Variants in NKAIN2 observed in about 807,000 individuals in gnomAD.
NKAIN2 encodes the protein sodium/potassium-transporting ATPase subunit beta-1-interacting protein 2.
A neutral mutation model predicts 32.6 loss-of-function variants in NKAIN2; 14 were observed. That is an observed-to-expected ratio of 0.43 (90% confidence interval 0.28 to 0.67). The LOEUF (loss-of-function observed/expected upper bound fraction) is 0.67, where lower values mean the gene tolerates loss of function less well. Ranked by LOEUF, NKAIN2 falls within the 30% of genes least tolerant of loss-of-function variation. NKAIN2 has a pLI of 0.17. For missense variants in NKAIN2, 198 were observed against 258.3 expected (o/e 0.77, Z 1.60); for synonymous variants, 80 against 87.2 (o/e 0.92, Z 0.46).
intron 5 of NKAIN2, among the ~76,000 whole-genome samples, chr6:124,808,185 A>T (rs1780687716): frequency 6.6e-6 from 1 of 151,972 alleles, no homozygotes; most frequent in Non-Finnish European, 1.5e-5. Flanking sequence ...CAACCAAAAA[A>T]GAGAATTTTA....
chr6:124,273,876 G>A (rs1794912765), intron 1 of NKAIN2, among the ~76,000 whole-genome samples: 1 of 152,154 alleles, frequency 6.6e-6, no homozygotes, highest in South Asian at 2.1e-4. Context: ...ACTGTTACCT[G>A]TCATGTACTT....
At position 124,204,590 on chromosome 6, in the gene NKAIN2, G is replaced by A. The variant is rs182345153; in HGVS notation, c.55-78415G>A. ...ACGGTTAAGTGGTCATGTTAGCAATGTGACAACTATACCAATAATAGCAAG... is the reference window on the plus strand; with the variant it reads ...ACGGTTAAGTGGTCATGTTAGCAATATGACAACTATACCAATAATAGCAAG... On this transcript the variant is annotated intron_variant, in intron 1 of 6. Transcript: ENST00000368417. Among the ~76,000 whole-genome samples, 207 of 151,878 alleles carry A rather than the reference G, an allele frequency of 1.4e-3. 1 individual carries two copies. The highest frequency in any genetic ancestry group is 4.9e-3 in the African/African-American group (202 of 41,500).
intron 3 of NKAIN2, among the ~76,000 whole-genome samples, chr6:124,449,881 A>G (rs927504111): frequency 2.0e-5 from 3 of 152,140 alleles, no homozygotes; most frequent in South Asian, 4.2e-4. Context: ...AATTGTTCCT[A>G]TCAGCCACAT....
intron 1 of NKAIN2, among the ~76,000 whole-genome samples, chr6:124,232,995 G>A (rs1354400220): frequency 6.6e-6 from 1 of 152,108 alleles, no homozygotes; most frequent in Non-Finnish European, 1.5e-5. Flanking sequence ...AAATAGACTT[G>A]GTGGCAGCTT....
chr6:124,472,019 CAA>C (rs1776995877), intron 3 of NKAIN2, among the ~76,000 whole-genome samples: 1 of 138,394 alleles, frequency 7.2e-6, no homozygotes, highest in Non-Finnish European at 1.6e-5. Context: ...TAGACAACAA[CAA>C]GGATCCCCAA....
intron 1 of NKAIN2, among the ~76,000 whole-genome samples, chr6:124,195,504 T>C (rs1199688473): frequency 6.6e-6 from 1 of 152,126 alleles, no homozygotes; most frequent in Non-Finnish European, 1.5e-5. Context: ...CACATTCATA[T>C]ATATTTTTTG....
intron 4 of NKAIN2, among the ~76,000 whole-genome samples, chr6:124,670,645 C>CTGTG (rs57300688): frequency 0.022 from 2,732 of 123,892 alleles, 40 homozygotes; most frequent in African/African-American, 0.038. Flanking sequence ...TCTTTGCTTT[C>CTGTG]TGTGTGTGTG....
At chr6:124,527,562 TTGG>T (rs1562239064) in intron 3 of NKAIN2, among the ~76,000 whole-genome samples, 2 of 152,162 alleles carry the variant, frequency 1.3e-5, no homozygotes, top group South Asian at 2.1e-4. Context: ...TGTGAAAAAC[TTGG>T]TAAGATCAAA....
At chr6:123,900,902 G>A (rs1774553392) in intron 1 of NKAIN2, among the ~76,000 whole-genome samples, 1 of 152,042 alleles carries the variant, frequency 6.6e-6, no homozygotes, top group Admixed American at 6.6e-5. Flanking sequence ...TTAAGTAAAA[G>A]ATGGGATATA....
At chr6:124,256,505 TAAAG>T (rs1248998907) in intron 1 of NKAIN2, among the ~76,000 whole-genome samples, 1 of 152,118 alleles carries the variant, frequency 6.6e-6, no homozygotes, top group Admixed American at 6.6e-5. Flanking sequence ...TTACCAGAAA[TAAAG>T]AAAAAGAAAA....
intron 1 of NKAIN2, among the ~76,000 whole-genome samples, chr6:124,006,084 T>C (rs1238792427): frequency 6.6e-6 from 1 of 152,232 alleles, no homozygotes; most frequent in Admixed American, 6.5e-5. Context: ...ACAGTACTTA[T>C]GTCTATATAC....
At chr6:124,348,780 G>A (rs894862106) in intron 2 of NKAIN2, among the ~76,000 whole-genome samples, 42 of 152,218 alleles carry the variant, frequency 2.8e-4, no homozygotes, top group Non-Finnish European at 4.3e-4. Context: ...TGCATGAGCC[G>A]AAGCAGGGCG....
intron 1 of NKAIN2, among the ~76,000 whole-genome samples, chr6:123,857,689 T>C (rs940383043): frequency 2.0e-5 from 3 of 150,520 alleles, no homozygotes; most frequent in African/African-American, 4.8e-5. Flanking sequence ...CTTCTGGCAG[T>C]TCAACATGCT....
At chr6:124,649,267 A>G (rs1009191139) in intron 3 of NKAIN2, among the ~76,000 whole-genome samples, 5 of 152,194 alleles carry the variant, frequency 3.3e-5, no homozygotes, top group Non-Finnish European at 2.9e-5. Context: ...AAGAATTACT[A>G]ATATTATCAA....
intron 1 of NKAIN2, among the ~76,000 whole-genome samples, chr6:124,131,062 A>G (rs1786449310): frequency 6.6e-6 from 1 of 152,198 alleles, no homozygotes; most frequent in African/African-American, 2.4e-5. Context: ...ATTACTTTCC[A>G]TGATGTTTAG....
chr6:124,474,265 G>T (rs1343030995), intron 3 of NKAIN2, among the ~76,000 whole-genome samples: 1 of 152,066 alleles, frequency 6.6e-6, no homozygotes, highest in African/African-American at 2.4e-5. Flanking sequence ...TTTCCCCTTT[G>T]TAAGTGACAT....
intron 3 of NKAIN2, among the ~76,000 whole-genome samples, chr6:124,411,622 C>T (rs1583210166): frequency 9.1e-6 from 1 of 109,392 alleles, no homozygotes; most frequent in South Asian, 3.0e-4. Flanking sequence ...ACATTTTTTC[C>T]TTCATTTCAA....
At chr6:124,008,075 C>T (rs1186130423) in intron 1 of NKAIN2, among the ~76,000 whole-genome samples, 5 of 152,134 alleles carry the variant, frequency 3.3e-5, no homozygotes, top group Non-Finnish European at 7.3e-5. Context: ...CTTGCTGACC[C>T]AGTGATGACC....
intron 3 of NKAIN2, among the ~76,000 whole-genome samples, chr6:124,520,742 C>T (rs996192879): frequency 1.3e-5 from 2 of 152,140 alleles, no homozygotes; most frequent in African/African-American, 4.8e-5. Flanking sequence ...ATGGAAATCC[C>T]TATGTGCTAC....
Sources: gnomAD v4.1 joint callset for allele counts (sites outside exome capture counted in the v4.1 genomes callset) on GRCh38, gnomAD v4.1.1 for gene constraint, MANE v1.5 for transcripts, NCBI Gene and HGNC (gene_info 2026-07-23, HGNC 2026-07-21) for gene names.